The following GHR variants were observed in gnomAD, a reference collection of about 807,000 sequenced individuals.
GHR encodes GH receptor.
GHR carries 35 observed loss-of-function variants against 67.1 expected under a neutral mutation model. The ratio of observed to expected loss-of-function variants is 0.52; its 90% CI spans 0.40 to 0.69. The LOEUF is 0.69. GHR is among the 30% of genes least tolerant of loss of function. The probability of loss-of-function intolerance (pLI) is 0.00; values close to 1 mark genes in which losing one functional copy is unlikely to be tolerated. For synonymous variants in GHR, 272 were observed against 269.1 expected, an observed-to-expected ratio of 1.01 and a Z score of -0.10; for missense variants, 792 against 764.6, an observed-to-expected ratio of 1.04 and a Z score of -0.42.
In GHR at chr5:42,424,540, G is replaced by T; in HGVS notation, c.-12+585G>T. ...GCGTTTGTGCGGGCCGCAGCCGCAC[G>T]TTGGCACCGATGGAACTGGGGTCAG... On this transcript the variant is annotated intron_variant, in intron 1 of 9. Coordinates refer to ENST00000230882, the MANE Select transcript of GHR (RefSeq NM_000163.5). The surrounding 1 kb of genome is among the most constrained non-coding windows in gnomAD (Gnocchi z 4.1). The T allele has an allele frequency of 6.6e-7, 1 of 1,523,536 alleles. No individual in the cohort carries two copies. The highest frequency in any genetic ancestry group is 8.8e-7 in the Non-Finnish European group (1 of 1,136,150). The allele number at this position is 1,523,536 out of a possible 1,614,324, so 94.4% of individuals were successfully genotyped here.
chr5:42,670,319 T>G (rs1275932068), intron 3 of GHR, among the ~76,000 whole-genome samples: 1 of 152,154 alleles, frequency 6.6e-6, no homozygotes, highest in African/African-American at 2.4e-5. Context: ...GAAATCCACA[T>G]GCTGAAGAAT....
At chr5:42,703,091 T>A (rs1758008809) in intron 6 of GHR, among the ~76,000 whole-genome samples, 2 of 152,116 alleles carry the variant, frequency 1.3e-5, no homozygotes, top group Non-Finnish European at 2.9e-5. Flanking sequence ...TCCACTTTTG[T>A]TGCCTGTTCC....
chr5:42,482,297 G>T (rs1745679034), intron 1 of GHR, among the ~76,000 whole-genome samples: 1 of 152,186 alleles, frequency 6.6e-6, no homozygotes, highest in Admixed American at 6.5e-5. Context: ...CCCTGCTGGG[G>T]GGTGCCTCCC....
chr5:42,578,911 C>CA (rs759490336), intron 2 of GHR, among the ~76,000 whole-genome samples: 152 of 152,164 alleles, frequency 1.0e-3, no homozygotes, highest in Non-Finnish European at 1.7e-3. Context: ...CTACGTACAG[C>CA]AATAAATATC....
intron 1 of GHR, among the ~76,000 whole-genome samples, chr5:42,507,297 GA>G (rs1318802909): frequency 6.6e-6 from 1 of 152,186 alleles, no homozygotes; most frequent in Non-Finnish European, 1.5e-5. Context: ...AACTTTTATT[GA>G]AAAAACTATT....
intron 2 of GHR, among the ~76,000 whole-genome samples, chr5:42,568,539 T>A (rs1750083410): frequency 6.6e-6 from 1 of 152,206 alleles, no homozygotes; most frequent in East Asian, 1.9e-4. Context: ...ATGAGAAATG[T>A]GCATAAAGAT....
chr5:42,621,017 C>G (rs752413035), intron 2 of GHR, among the ~76,000 whole-genome samples: 5 of 152,092 alleles, frequency 3.3e-5, no homozygotes, highest in African/African-American at 7.2e-5. Flanking sequence ...AAATGTGATT[C>G]TATTTATTCC....
intron 5 of GHR, among the ~76,000 whole-genome samples, chr5:42,699,535 A>C (rs1347282119): frequency 6.6e-6 from 1 of 152,228 alleles, no homozygotes; most frequent in African/African-American, 2.4e-5. Flanking sequence ...ATGATATCAG[A>C]GCAAAAAGAA....
intron 3 of GHR, among the ~76,000 whole-genome samples, chr5:42,663,707 C>T (rs556469618): frequency 6.6e-6 from 1 of 152,306 alleles, no homozygotes; most frequent in South Asian, 2.1e-4. Context: ...ACCTCTCTCA[C>T]CACTCCTATT....
chr5:42,549,715 C>G, intron 1 of GHR: 2 of 947,222 alleles, frequency 2.1e-6, no homozygotes, highest in Non-Finnish European at 2.5e-6. Flanking sequence ...GAGGCCACAT[C>G]AGATCACACA....
chr5:42,716,654 T>C (rs1171207223), intron 8 of GHR, among the ~76,000 whole-genome samples: 1 of 152,242 alleles, frequency 6.6e-6, no homozygotes, highest in African/African-American at 2.4e-5. Context: ...ATGATAGTAG[T>C]TATTATTAAT....
In GHR at chr5:42,712,637, T is replaced by C. The variant is rs1262585507; in HGVS notation, c.785-792T>C. On this transcript the variant is annotated intron_variant, in intron 7 of 9. Transcript: ENST00000230882. ...AATGGCAATGTTAAGGTAAATTTCA[T>C]CTGTCATTTTTATAAAAAAGTGGTT... 2.0e-5 allele frequency among the ~76,000 whole-genome samples: 3 copies of C among 152,196 alleles called. No individual in the cohort carries two copies. In the East Asian group the frequency reaches 5.8e-4, roughly 29 times the overall value.
chr5:42,477,727 G>T (rs1745405463), intron 1 of GHR, among the ~76,000 whole-genome samples: 1 of 152,146 alleles, frequency 6.6e-6, no homozygotes, highest in Non-Finnish European at 1.5e-5. Context: ...TTTTGATGGG[G>T]TTGTTTGTTT....
intron 2 of GHR, among the ~76,000 whole-genome samples, chr5:42,571,427 A>C (rs2112500751): frequency 6.6e-6 from 1 of 152,186 alleles, no homozygotes; most frequent in Non-Finnish European, 1.5e-5. Flanking sequence ...CTATCCCAAA[A>C]CCTTGACAAT....
chr5:42,693,559 C>A (rs979928140), intron 4 of GHR, among the ~76,000 whole-genome samples: 23 of 152,118 alleles, frequency 1.5e-4, no homozygotes, highest in Non-Finnish European at 4.4e-5. Flanking sequence ...TCTCAAGGAC[C>A]CTCTGATACT....
At chr5:42,454,009 C>A (rs1171418464) in intron 1 of GHR, among the ~76,000 whole-genome samples, 2 of 152,184 alleles carry the variant, frequency 1.3e-5, no homozygotes, top group Non-Finnish European at 2.9e-5. Flanking sequence ...GTGGTGTTCT[C>A]CTCTTTCCCC....
At chr5:42,557,788 C>A (rs1230157375) in intron 1 of GHR, among the ~76,000 whole-genome samples, 1 of 152,166 alleles carries the variant, frequency 6.6e-6, no homozygotes, top group Non-Finnish European at 1.5e-5. Context: ...GATCAGCTGC[C>A]AGTGGATCAG....
chr5:42,720,527 G>A lies in GHR; in HGVS notation c.*1103G>A, dbSNP rs1758969132. ...TTTTGCTACATAATTATCCAGGAAG[G>A]GAATAAGGTACAAGAAGCATTTTGT... On this transcript the variant is annotated 3_prime_UTR_variant, in exon 10 of 10. Coordinates refer to ENST00000230882, the MANE Select transcript of GHR (RefSeq NM_000163.5). The A allele has an allele frequency of 6.6e-6, 1 of 152,116 alleles. No homozygotes were observed. The highest frequency in any genetic ancestry group is 2.4e-5 in the African/African-American group (1 of 41,420). The allele number at this position is 152,116 out of a possible 1,614,324, so 9.4% of individuals were successfully genotyped here.
At chr5:42,712,579 A>G (rs1470604389) in intron 7 of GHR, among the ~76,000 whole-genome samples, 2 of 152,150 alleles carry the variant, frequency 1.3e-5, no homozygotes, top group Non-Finnish European at 2.9e-5. Flanking sequence ...TTAAATAAGA[A>G]AAGACTATTT....
Sources: gnomAD v4.1 joint callset for allele counts (sites outside exome capture counted in the v4.1 genomes callset) on GRCh38, gnomAD v4.1.1 for gene constraint, Gnocchi (gnomAD v3.1) non-coding constraint, MANE v1.5 for transcripts, NCBI Gene and HGNC (gene_info 2026-07-23, HGNC 2026-07-21) for gene names.